The following GRM7 variants were observed in gnomAD, a reference collection of about 807,000 sequenced individuals.
GRM7 encodes glutamate metabotropic receptor 7.
A neutral mutation model predicts 84.5 loss-of-function variants in GRM7; 35 were observed. The observed-to-expected ratio is 0.41, with a 90% CI of 0.32 to 0.55. The LOEUF (loss-of-function observed/expected upper bound fraction) is 0.55, where lower values mean the gene tolerates loss of function less well. Ranked by LOEUF, GRM7 falls within the 20% of genes least tolerant of loss-of-function variation. The pLI is 0.19. For missense variants in GRM7, 1,003 were observed against 1,194.6 expected (o/e 0.84, Z 2.36); for synonymous variants, 487 against 455.1 (o/e 1.07, Z -0.89).
chr3:6,927,573 GAAA>G (rs1283218157), intron 1 of GRM7, among the ~76,000 whole-genome samples: 1 of 152,010 alleles, frequency 6.6e-6, no homozygotes, highest in African/African-American at 2.4e-5. Flanking sequence ...ATTAAATACA[GAAA>G]AATTTAGAAA....
At chr3:6,929,963 G>A (rs1300782138) in intron 1 of GRM7, among the ~76,000 whole-genome samples, 2 of 152,162 alleles carry the variant, frequency 1.3e-5, no homozygotes, top group South Asian at 2.1e-4. Flanking sequence ...CCCCACAAAC[G>A]TGGTGTCTGG....
intron 8 of GRM7, among the ~76,000 whole-genome samples, chr3:7,631,961 T>A (rs1226151159): frequency 6.6e-6 from 1 of 152,010 alleles, no homozygotes; most frequent in African/African-American, 2.4e-5. Context: ...ATACGTTAGG[T>A]GGTTAGAAAT....
At chr3:7,352,644 C>G (rs1032979807) in intron 4 of GRM7, among the ~76,000 whole-genome samples, 3 of 152,072 alleles carry the variant, frequency 2.0e-5, no homozygotes, top group Non-Finnish European at 4.4e-5. Context: ...AAAGAATGGA[C>G]TCTTGCAAGA....
chr3:7,550,388 G>T, intron 7 of GRM7, among the ~76,000 whole-genome samples: 1 of 127,674 alleles, frequency 7.8e-6, no homozygotes. Context: ...TCTTCCTTTT[G>T]CTTGCTTTCT....
chr3:7,437,007 A>G (rs1165689566), intron 5 of GRM7, among the ~76,000 whole-genome samples: 1 of 152,182 alleles, frequency 6.6e-6, no homozygotes, highest in Non-Finnish European at 1.5e-5. Context: ...TGGATACAAT[A>G]GACATCAAGT....
At chr3:6,896,077 A>G (rs1222570189) in intron 1 of GRM7, among the ~76,000 whole-genome samples, 1 of 152,228 alleles carries the variant, frequency 6.6e-6, no homozygotes, top group Non-Finnish European at 1.5e-5. Flanking sequence ...AAATTATAAC[A>G]TGCAGCATAA....
intron 4 of GRM7, among the ~76,000 whole-genome samples, chr3:7,406,882 T>C (rs1695705215): frequency 1.3e-5 from 2 of 152,202 alleles, no homozygotes; most frequent in Non-Finnish European, 2.9e-5. Flanking sequence ...CAAGTGCCAA[T>C]ATGTATTGCA....
intron 2 of GRM7, among the ~76,000 whole-genome samples, chr3:7,252,965 C>A (rs1176696775): frequency 7.8e-6 from 1 of 128,050 alleles, no homozygotes; most frequent in African/African-American, 3.0e-5. Context: ...GCTGGGATTA[C>A]AGACAGGAGC....
intron 7 of GRM7, among the ~76,000 whole-genome samples, chr3:7,461,938 A>T (rs17718585): frequency 0.044 from 6,626 of 152,190 alleles, 193 homozygotes; most frequent in South Asian, 0.07. Context: ...TATATTCATG[A>T]CCTGTGCGAA....
chr3:7,207,701 AC>A (rs1696285378), intron 2 of GRM7, among the ~76,000 whole-genome samples: 1 of 152,202 alleles, frequency 6.6e-6, no homozygotes, highest in Non-Finnish European at 1.5e-5. Flanking sequence ...AGCTTAGGAC[AC>A]TAATTGTGTA....
chr3:7,261,338 G>A (rs965022431), intron 2 of GRM7, among the ~76,000 whole-genome samples: 4 of 152,078 alleles, frequency 2.6e-5, no homozygotes, highest in Non-Finnish European at 5.9e-5. Context: ...TCTTAGTCTT[G>A]GTTTCTATTT....
At chr3:7,305,351 T>TAGAAAACTGTCA (rs1559221569) in intron 3 of GRM7, among the ~76,000 whole-genome samples, 9 of 45,324 alleles carry the variant, frequency 2.0e-4, no homozygotes, top group South Asian at 8.5e-4. Context: ...TTCTTTTTTT[T>TAGAAAACTGTCA]TTTTTTTAAT....
At chr3:6,969,717 C>T (rs555717611) in intron 1 of GRM7, among the ~76,000 whole-genome samples, 2 of 152,210 alleles carry the variant, frequency 1.3e-5, no homozygotes, top group African/African-American at 4.8e-5. Flanking sequence ...CCTGCCTGCT[C>T]CTTCTCTTAG....
At chr3:6,962,458 A>C (rs1025367679) in intron 1 of GRM7, among the ~76,000 whole-genome samples, 2 of 152,214 alleles carry the variant, frequency 1.3e-5, no homozygotes, top group Non-Finnish European at 2.9e-5. Context: ...TGGCCCACAT[A>C]CAAAATGAGA....
At chr3:7,643,656 C>G (rs1447893597) in intron 8 of GRM7, among the ~76,000 whole-genome samples, 1 of 152,066 alleles carries the variant, frequency 6.6e-6, no homozygotes, top group South Asian at 2.1e-4. Flanking sequence ...ACAACACCTA[C>G]AATACAGGAT....
intron 2 of GRM7, among the ~76,000 whole-genome samples, chr3:7,265,952 T>G (rs992971856): frequency 1.3e-5 from 2 of 152,152 alleles, no homozygotes; most frequent in Non-Finnish European, 2.9e-5. Flanking sequence ...CATCTGATGC[T>G]TCTTTGAGAG....
At chr3:7,168,833 G>C (rs1694891043) in intron 2 of GRM7, among the ~76,000 whole-genome samples, 1 of 152,048 alleles carries the variant, frequency 6.6e-6, no homozygotes, top group Admixed American at 6.6e-5. Context: ...TCTATGAAAG[G>C]ATTTCATCTT....
At chr3:7,204,169 C>T (rs1292332874) in intron 2 of GRM7, among the ~76,000 whole-genome samples, 1 of 152,146 alleles carries the variant, frequency 6.6e-6, no homozygotes, top group African/African-American at 2.4e-5. Context: ...TGGCCCTGTC[C>T]ACCTGGGTCA....
chr3:7,468,482 A>G (rs1467583456), intron 7 of GRM7, among the ~76,000 whole-genome samples: 1 of 152,208 alleles, frequency 6.6e-6, no homozygotes, highest in Non-Finnish European at 1.5e-5. Flanking sequence ...CATATTAATA[A>G]ATAATATATA....
Sources: allele counts gnomAD v4.1 joint callset (sites outside exome capture counted in the v4.1 genomes callset), GRCh38; gene constraint gnomAD v4.1.1; transcripts MANE v1.5; gene names NCBI Gene and HGNC (gene_info 2026-07-23, HGNC 2026-07-21).